KCNJ11: variants seen among roughly 807,000 people sequenced by gnomAD.
KCNJ11 encodes the protein ATP-sensitive inward rectifier potassium channel 11.
In KCNJ11, 12 loss-of-function variants were observed where a neutral mutation model predicts 17.3. The ratio of observed to expected loss-of-function variants is 0.69; its 90% CI spans 0.44 to 1.12. The LOEUF (loss-of-function observed/expected upper bound fraction) is 1.12, where lower values mean the gene tolerates loss of function less well. Among genes scored for constraint, KCNJ11 ranks in the 50% most tolerant of loss-of-function variants. KCNJ11 has a pLI of 0.00. For synonymous variants in KCNJ11, 211 were observed against 223.4 expected, an observed-to-expected ratio of 0.94 and a Z score of 0.50; for missense variants, 386 against 554.1, an observed-to-expected ratio of 0.70 and a Z score of 3.05.
chr11:17,389,211 G>C (rs1953612918), upstream of KCNJ11: 1 of 151,718 alleles, frequency 6.6e-6, no homozygotes, highest in Non-Finnish European at 1.5e-5. Flanking sequence ...TCGCCTCCCC[G>C]CCCCCTCCCG....
rs753491511 is a variant in KCNJ11 at position 17,387,509 on chromosome 11, G to A, written c.583C>T (p.Arg195Cys). The change falls in exon 1 of 1, where the codon CGC becomes TGC. Residue 195 changes from arginine (R) to cysteine (C), a missense_variant. Transcript: ENST00000339994. ...CCCACACGTAGCATGAAGCAGAGGC[G>A]GCCGTGGCGCAGGGCGATCACCGCA... ...KHAVIALRHGRLCFMLRVGDL... is the reference protein window; with the variant it reads ...KHAVIALRHGCLCFMLRVGDL... The A allele has an allele frequency of 1.2e-6, 2 of 1,611,998 alleles. No individual in the cohort carries two copies. Among genetic ancestry groups the A allele is most frequent in the Admixed American group, 1.7e-5 (1 of 60,002 alleles).
rs146255794 is a variant in KCNJ11 at position 17,387,053 on chromosome 11, G to A, written c.1039C>T (p.Arg347Cys). ...AGGCTGTGGTCCTCATCAAGCTGGC[G>A]GGCCGTGCAGAGTGGTGTGGGCACT... ...VKVPTPLCTA[R>C]QLDEDHSLLE... Residue 347 changes from arginine (R) to cysteine (C), a missense_variant, in exon 1 of 1, where the codon CGC becomes TGC. Physicochemically the swap from Arg to Cys is radical, Grantham distance 180. Transcript: ENST00000339994. 1.1e-5 allele frequency: 17 copies of A among 1,614,220 alleles called. No homozygotes were observed. Among genetic ancestry groups the A allele is most frequent in the East Asian group, 4.5e-5 (2 of 44,878 alleles).
In KCNJ11 at chr11:17,387,003, T is replaced by A. The variant is rs5214; in HGVS notation, c.1089A>T (p.Ser363=). The A allele has an allele frequency of 1.2e-6, 2 of 1,613,836 alleles. No individual in the cohort carries two copies. Among genetic ancestry groups the A allele is most frequent in the Non-Finnish European group, 1.7e-6 (2 of 1,179,860 alleles). ...TGCGCTTGCGCAGGGGCCCGCGGGC[T>A]GAGGCGAGGGTCAGAGCTTCCAGTA... ...HSLLEALTLA[S]ARGPLRKRSV... Residue 363 remains serine, a synonymous_variant, in exon 1 of 1, where the codon TCA becomes TCT. Coordinates refer to ENST00000339994, the MANE Select transcript of KCNJ11 (RefSeq NM_000525.4).
At position 17,386,559 on chromosome 11, in the gene KCNJ11, C is replaced by T. The variant is rs561755715; in HGVS notation, c.*360G>A. The T allele has an allele frequency of 3.0e-4, 73 of 243,592 alleles. 1 individual carries two copies. Among genetic ancestry groups the T allele is most frequent in the South Asian group, 5.8e-4 (6 of 10,322 alleles). 15.1% of individuals were successfully genotyped at this position (243,592 alleles called of 1,614,324 possible). Reference sequence around the variant, plus strand: ...GCCACAGACGCAAAGCAGCAGCCCTCGGGGATTGTTCTTCCCCAGCCACCG... The same window carrying T: ...GCCACAGACGCAAAGCAGCAGCCCTTGGGGATTGTTCTTCCCCAGCCACCG... On this transcript the variant is annotated 3_prime_UTR_variant, in exon 1 of 1. Transcript: ENST00000339994.
chr11:17,387,240 G>A lies in KCNJ11; in HGVS notation c.852C>T (p.Ile284=), dbSNP rs1800854. 11 of 1,614,116 alleles carry A rather than the reference G, an allele frequency of 6.8e-6. No homozygotes were observed. The highest frequency in any genetic ancestry group is 1.3e-5 in the African/African-American group (1 of 74,942). Residue 284 remains isoleucine, a synonymous_variant, in exon 1 of 1, where the codon ATC becomes ATT. Transcript: ENST00000339994. ...TTTCCACCACGCCTTCCAGGATGAC[G>A]ATGATCTCGAGGTCCTGGTGGTGGT... is the stretch of plus-strand genomic sequence containing the variant. The part of the protein sequence containing the change: ...DLHHHQDLEI[I]VILEGVVETT...
upstream of KCNJ11, chr11:17,388,818 C>A (rs1953606606): frequency 2.2e-6 from 1 of 456,142 alleles, no homozygotes; most frequent in Non-Finnish European, 4.4e-6. Context: ...ACCTCACCCC[C>A]ACCTCCGGGT....
Position 17,388,145 on chromosome 11 carries a change from G to A in KCNJ11, c.-54C>T, listed in dbSNP as rs1016780684. On this transcript the variant is annotated 5_prime_UTR_variant, in exon 1 of 1. In the 5' UTR this introduces an upstream ATG that the reference lacks. Transcript: ENST00000339994. ...CCCCCATCGGAGGCACCCCTCGGACGTGGCCTAGGGCCTCACTGCAGAGTC... is the reference window on the plus strand; with the variant it reads ...CCCCCATCGGAGGCACCCCTCGGACATGGCCTAGGGCCTCACTGCAGAGTC... 51 of 1,539,216 alleles carry A rather than the reference G, an allele frequency of 3.3e-5. No homozygotes were observed. Among genetic ancestry groups the A allele is most frequent in the African/African-American group, 2.7e-5 (2 of 73,430 alleles).
chr11:17,388,889 C>G (rs777230765), upstream of KCNJ11: 1 of 455,474 alleles, frequency 2.2e-6, no homozygotes, highest in South Asian at 1.6e-5. Context: ...CTGGCCACCC[C>G]CGCCCCGTCT....
rs371633969 is a variant in KCNJ11 at position 17,387,437 on chromosome 11, C to T, written c.655G>A (p.Val219Met). ...TCGGGGCTGGTGGTCTTGCGTACCACCTGCATGTGGATGGTGGCGCTGATG... is the reference window on the plus strand; with the variant it reads ...TCGGGGCTGGTGGTCTTGCGTACCATCTGCATGTGGATGGTGGCGCTGATG... The part of the protein sequence containing the change: ...MIISATIHMQ[V>M]VRKTTSPEGE... Residue 219 changes from valine (V) to methionine (M), a missense_variant, in exon 1 of 1, where the codon GTG becomes ATG. Transcript: ENST00000339994. The T allele has an allele frequency of 1.2e-6, 2 of 1,613,642 alleles. No homozygotes were observed. The highest frequency in any genetic ancestry group is 1.7e-5 in the Admixed American group (1 of 60,034).
chr11:17,386,998 C>CGGGCTGAGGCGAG lies in KCNJ11; in HGVS notation c.1081_1093dup (p.Arg365ProfsTer137). 1 of 1,613,772 alleles carries CGGGCTGAGGCGAG rather than the reference C, an allele frequency of 6.2e-7. No homozygotes were observed. Among genetic ancestry groups the CGGGCTGAGGCGAG allele is most frequent in the Non-Finnish European group, 8.5e-7 (1 of 1,179,806 alleles). ...CACGCTGCGCTTGCGCAGGGGCCCG[C>CGGGCTGAGGCGAG]GGGCTGAGGCGAGGGTCAGAGCTTC... is the stretch of plus-strand genomic sequence containing the variant. On this transcript the variant is annotated frameshift_variant, in exon 1 of 1. Coordinates refer to ENST00000339994, the MANE Select transcript of KCNJ11 (RefSeq NM_000525.4).
At chr11:17,388,725 C>A, upstream of KCNJ11, 1 of 408,082 alleles carries the variant, frequency 2.5e-6, no homozygotes. Context: ...CTGGGCCTCC[C>A]GCTAAGAGCC....
upstream of KCNJ11, chr11:17,388,882 G>C (rs1477979563): frequency 4.4e-6 from 2 of 455,436 alleles, no homozygotes; most frequent in South Asian, 3.1e-5. Context: ...TCAGGTCCTG[G>C]CCACCCCCGC....
Position 17,387,822 on chromosome 11 carries a change from C to T in KCNJ11, c.270G>A (p.Trp90Ter). 1.2e-6 allele frequency: 2 copies of T among 1,614,084 alleles called. No homozygotes were observed. The highest frequency in any genetic ancestry group is 4.5e-5 in the East Asian group (2 of 44,866). ...CACCGTGGGCGAAGGCGATGAGCCA[C>T]CAGGCCATGGCGAAGAGCAGCCAGC... ...LCSWLLFAMA[W>*]WLIAFAHGDL... Residue 90 changes from tryptophan (W) to a stop codon, truncating the protein, a stop_gained, in exon 1 of 1, where the codon TGG becomes TGA. Transcript: ENST00000339994. LOFTEE classifies it high-confidence loss of function.
At position 17,388,021 on chromosome 11, in the gene KCNJ11, G is replaced by C; in HGVS notation, c.71C>G (p.Pro24Arg). The change falls in exon 1 of 1, where the codon CCC becomes CGC. Residue 24 changes from proline to arginine, a missense_variant. Transcript: ENST00000339994. ...LTRLAEDPAK[P>R]RYRARQRRAR... ...CCTCCGCTGGCGGGCACGGTACCTG[G>C]GCTTGGCAGGGTCCTCTGCCAGGCG... 6.2e-7 allele frequency: 1 copy of C among 1,613,898 alleles called. No individual in the cohort carries two copies. The highest frequency in any genetic ancestry group is 8.5e-7 in the Non-Finnish European group (1 of 1,179,992).
chr11:17,387,812 C>G lies in KCNJ11; in HGVS notation c.280G>C (p.Ala94Pro). The change falls in exon 1 of 1, where the codon GCC becomes CCC. Residue 94 changes from alanine to proline, a missense_variant. By Grantham distance (27) the Ala-to-Pro change is conservative. Coordinates refer to ENST00000339994, the MANE Select transcript of KCNJ11 (RefSeq NM_000525.4). ...LLFAMAWWLI[A>P]FAHGDLAPSE... ...GGGGCCAGGTCACCGTGGGCGAAGG[C>G]GATGAGCCACCAGGCCATGGCGAAG... 1 of 1,614,068 alleles carries G rather than the reference C, an allele frequency of 6.2e-7. No homozygotes were observed.
chr11:17,387,484 C>T lies in KCNJ11; in HGVS notation c.608G>A (p.Gly203Asp). 1 of 1,612,258 alleles carries T rather than the reference C, an allele frequency of 6.2e-7. No individual in the cohort carries two copies. Reference protein sequence around the residue: ...HGRLCFMLRVGDLRKSMIISA... With the variant: ...HGRLCFMLRVDDLRKSMIISA... ...GATGATCATGCTCTTGCGGAGGTCACCCACACGTAGCATGAAGCAGAGGCG... is the reference window on the plus strand; with the variant it reads ...GATGATCATGCTCTTGCGGAGGTCATCCACACGTAGCATGAAGCAGAGGCG... Residue 203 changes from glycine (G) to aspartate (D), a missense_variant, in exon 1 of 1, where the codon GGT becomes GAT. Coordinates refer to ENST00000339994, the MANE Select transcript of KCNJ11 (RefSeq NM_000525.4).
Position 17,388,438 on chromosome 11 carries a change from G to A in KCNJ11, c.-347C>T, listed in dbSNP as rs1953600624. 1 of 319,330 alleles carries A rather than the reference G, an allele frequency of 3.1e-6. No homozygotes were observed. The highest frequency in any genetic ancestry group is 3.7e-5 in the South Asian group (1 of 26,984). 19.8% of individuals were successfully genotyped at this position (319,330 alleles called of 1,614,324 possible). On this transcript the variant is annotated 5_prime_UTR_variant, in exon 1 of 1. Transcript: ENST00000339994. The stretch of plus-strand genomic sequence containing the variant: ...CTACTAAAAATACAAAAGTTAGCCG[G>A]GCATGGTGGTGCGCACCTGTAATCC...
chr11:17,386,687 A>G lies in KCNJ11; in HGVS notation c.*232T>C. The stretch of plus-strand genomic sequence containing the variant: ...GCCTCTGCAGCCTTGGGCGGGGGAG[A>G]GGGGTGAGCCAGTCCTGAATTGGGT... On this transcript the variant is annotated 3_prime_UTR_variant, in exon 1 of 1. Coordinates refer to ENST00000339994, the MANE Select transcript of KCNJ11 (RefSeq NM_000525.4). 1 of 540,816 alleles carries G rather than the reference A, an allele frequency of 1.8e-6. No homozygotes were observed. The highest frequency in any genetic ancestry group is 3.3e-6 in the Non-Finnish European group (1 of 302,904). 33.5% of individuals were successfully genotyped at this position (540,816 alleles called of 1,614,324 possible).
rs1564865697 is a variant in KCNJ11 at position 17,387,872 on chromosome 11, T to C, written c.220A>G (p.Ile74Val). 1.2e-6 allele frequency: 2 copies of C among 1,611,660 alleles called. No individual in the cohort carries two copies. Among genetic ancestry groups the C allele is most frequent in the Middle Eastern group, 1.7e-4 (1 of 6,056 alleles). The change falls in exon 1 of 1, where the codon ATC (isoleucine) becomes GTC (valine). Residue 74 changes from isoleucine (I) to valine (V), a missense_variant. Coordinates refer to ENST00000339994, the MANE Select transcript of KCNJ11 (RefSeq NM_000525.4). ...VDLKWPHTLL[I>V]FTMSFLCSWL... ...CTGCACAGGAAGGACATGGTGAAGA[T>C]GAGCAATGTGTGTGGCCACTTGAGG...
Sources: allele counts gnomAD v4.1 joint callset, GRCh38; gene constraint gnomAD v4.1.1; transcripts MANE v1.5; gene names NCBI Gene and HGNC (gene_info 2026-07-23, HGNC 2026-07-21).